The following DCHS2 variants were observed in gnomAD, a reference collection of about 807,000 sequenced individuals.
DCHS2 encodes the protein dachsous cadherin-related 2.
A neutral mutation model predicts 182.4 loss-of-function variants in DCHS2; 142 were observed. The observed-to-expected ratio is 0.78, with a 90% CI of 0.68 to 0.89. DCHS2 has a LOEUF of 0.89. Ranked by LOEUF, DCHS2 falls within the 40% of genes least tolerant of loss-of-function variation. The pLI is 0.00. For synonymous variants in DCHS2, 1,740 were observed against 1,663.3 expected (o/e 1.05, Z -1.12); for missense variants, 4,319 against 4,198.6 (o/e 1.03, Z -0.79).
chr4:154,256,695 C>T (rs1235002466), intron 15 of DCHS2, among the ~76,000 whole-genome samples: 1 of 152,086 alleles, frequency 6.6e-6, no homozygotes, highest in Admixed American at 6.5e-5. Context: ...TTCTATGCCC[C>T]TGAGCCTTAG....
At chr4:154,400,133 C>G (rs1732101606) in intron 1 of DCHS2, among the ~76,000 whole-genome samples, 1 of 151,968 alleles carries the variant, frequency 6.6e-6, no homozygotes, top group African/African-American at 2.4e-5. Context: ...AAAACCCCGT[C>G]TCTACTAAAA....
chr4:154,423,923 G>C (rs538932668), intron 1 of DCHS2, among the ~76,000 whole-genome samples: 1 of 152,276 alleles, frequency 6.6e-6, no homozygotes, highest in East Asian at 1.9e-4. Flanking sequence ...TGCTGGTCCA[G>C]GGACCAAACT....
intron 14 of DCHS2, chr4:154,261,925 A>T (rs2111177860): frequency 6.6e-6 from 1 of 152,264 alleles, no homozygotes; most frequent in Non-Finnish European, 1.5e-5. Context: ...GGTGGTCTTC[A>T]GAAACCTCCC....
chr4:154,343,117 G>A (rs1317298908), intron 3 of DCHS2, among the ~76,000 whole-genome samples: 3 of 152,126 alleles, frequency 2.0e-5, no homozygotes, highest in African/African-American at 7.2e-5. Context: ...TGAATAATAG[G>A]TCTCAACAGT....
At chr4:154,481,137 G>A (rs193092773) in intron 1 of DCHS2, among the ~76,000 whole-genome samples, 9 of 152,262 alleles carry the variant, frequency 5.9e-5, no homozygotes, top group African/African-American at 2.2e-4. Flanking sequence ...AATTTGGGAT[G>A]GAAGCCCTGG....
chr4:154,310,228 G>A (rs1414165482), intron 10 of DCHS2, among the ~76,000 whole-genome samples: 5 of 152,186 alleles, frequency 3.3e-5, no homozygotes, highest in African/African-American at 1.2e-4. Flanking sequence ...AATATGTGTG[G>A]AAATCAGTTC....
intron 1 of DCHS2, among the ~76,000 whole-genome samples, chr4:154,382,342 A>G (rs1281535087): frequency 6.6e-6 from 1 of 152,048 alleles, no homozygotes; most frequent in Non-Finnish European, 1.5e-5. Context: ...ATATACAAAT[A>G]TTTAAATGGA....
chr4:154,359,090 G>A (rs1730001045), intron 3 of DCHS2, among the ~76,000 whole-genome samples: 1 of 151,814 alleles, frequency 6.6e-6, no homozygotes, highest in South Asian at 2.1e-4. Context: ...CATGACACTT[G>A]CAAATGGTAA....
chr4:154,251,392 T>C (rs1480667329), intron 16 of DCHS2, among the ~76,000 whole-genome samples: 1 of 75,352 alleles, frequency 1.3e-5, no homozygotes, highest in Admixed American at 1.7e-4. Flanking sequence ...TTCCCATTTC[T>C]TTATTTTATA....
chr4:154,269,589 A>C (rs1426881879), intron 14 of DCHS2: 1 of 215,634 alleles, frequency 4.6e-6, no homozygotes, highest in Non-Finnish European at 9.1e-6. Flanking sequence ...ACTCAGTGTC[A>C]ATGATCTCAC....
chr4:154,462,775 A>T (rs895047270), intron 1 of DCHS2, among the ~76,000 whole-genome samples: 1 of 152,168 alleles, frequency 6.6e-6, no homozygotes, highest in Non-Finnish European at 1.5e-5. Flanking sequence ...TATACTATCC[A>T]TAGCTAAAGA....
rs1579090770 is a variant in DCHS2, at chr4:154,446,522, AC to A, written c.2052+42781del. Reference sequence around the variant, plus strand: ...AGTATACTATTTAATCCTCAGAACAACTTCAGGAGGTGGGTCCTATTATCAT... The same window carrying A: ...AGTATACTATTTAATCCTCAGAACAATTCAGGAGGTGGGTCCTATTATCAT... On this transcript the variant is annotated intron_variant, in intron 1 of 19. Coordinates refer to ENST00000357232, the MANE Select transcript of DCHS2 (RefSeq NM_001358235.2). 2.0e-5 allele frequency among the ~76,000 whole-genome samples: 3 copies of A among 152,280 alleles called. No individual in the cohort carries two copies. The East Asian group carries it at 5.8e-4, about 29-fold the overall frequency.
At chr4:154,327,434 T>C (rs1194948055) in intron 7 of DCHS2, among the ~76,000 whole-genome samples, 2 of 152,196 alleles carry the variant, frequency 1.3e-5, no homozygotes, top group East Asian at 3.8e-4. Context: ...TCTTGGGTTT[T>C]CCATGCAGAC....
At chr4:154,405,455 T>C (rs927290916) in intron 1 of DCHS2, among the ~76,000 whole-genome samples, 6 of 132,140 alleles carry the variant, frequency 4.5e-5, no homozygotes, top group Non-Finnish European at 9.9e-5. Context: ...TATTTATTCA[T>C]ATATATATAT....
In DCHS2 at chr4:154,332,553, C is replaced by T. The variant is rs1450330647; in HGVS notation, c.3655G>A (p.Asp1219Asn). 2 of 1,614,136 alleles carry T rather than the reference C, an allele frequency of 1.2e-6. No homozygotes were observed. Among genetic ancestry groups the T allele is most frequent in the Admixed American group, 3.3e-5 (2 of 60,022 alleles). ...VIGKITAIDM[D>N]SGKNGQLLYF... The stretch of plus-strand genomic sequence containing the variant: ...AATAGCTGTCCATTCTTTCCAGAGT[C>T]CATGTCAATAGCTGTAATTTTGCCT... Residue 1219 changes from aspartate (D) to asparagine (N), a missense_variant, in exon 5 of 20, where the codon GAC becomes AAC. Transcript: ENST00000357232.
intron 13 of DCHS2, among the ~76,000 whole-genome samples, chr4:154,276,978 G>A (rs796536606): frequency 6.6e-6 from 1 of 152,142 alleles, no homozygotes; most frequent in South Asian, 2.1e-4. Context: ...AAATAGGATT[G>A]TTCCTTTATG....
intron 14 of DCHS2, among the ~76,000 whole-genome samples, chr4:154,266,742 A>G (rs1006660885): frequency 6.6e-6 from 1 of 152,084 alleles, no homozygotes; most frequent in South Asian, 2.1e-4. Context: ...GGGTGACTTC[A>G]ATGCTGCACT....
chr4:154,350,451 T>C (rs1245060545), intron 3 of DCHS2, among the ~76,000 whole-genome samples: 1 of 152,214 alleles, frequency 6.6e-6, no homozygotes, highest in Non-Finnish European at 1.5e-5. Context: ...TGTACATCTA[T>C]GCTTTGCCAA....
intron 9 of DCHS2, among the ~76,000 whole-genome samples, chr4:154,316,344 A>C (rs1297273080): frequency 1.3e-5 from 2 of 152,198 alleles, no homozygotes; most frequent in African/African-American, 2.4e-5. Context: ...GTCACATAAC[A>C]CCTCATGTAT....
Sources: allele counts gnomAD v4.1 joint callset (sites outside exome capture counted in the v4.1 genomes callset), GRCh38; gene constraint gnomAD v4.1.1; transcripts MANE v1.5; gene names NCBI Gene and HGNC (gene_info 2026-07-23, HGNC 2026-07-21).